The following VSTM4 variants were observed in gnomAD, a reference collection of about 807,000 sequenced individuals.
VSTM4 encodes V-set and transmembrane domain containing 4.
VSTM4 carries 20 observed loss-of-function variants against 36.4 expected under a neutral mutation model. That is an observed-to-expected ratio of 0.55 (90% confidence interval 0.39 to 0.80). VSTM4 has a LOEUF of 0.80. Ranked by LOEUF, VSTM4 falls within the 30% of genes least tolerant of loss-of-function variation. The probability of loss-of-function intolerance (pLI) is 0.00; values close to 1 mark genes in which losing one functional copy is unlikely to be tolerated. For missense variants in VSTM4, 392 were observed against 404.5 expected (o/e 0.97, Z 0.26); for synonymous variants, 182 against 173.9 (o/e 1.05, Z -0.37).
intron 7 of VSTM4, among the ~76,000 whole-genome samples, chr10:49,027,135 C>A (rs892076361): frequency 6.6e-6 from 1 of 152,194 alleles, no homozygotes; most frequent in African/African-American, 2.4e-5. Flanking sequence ...TTTCCTCTGA[C>A]CCTGCACAGC....
chr10:49,073,957 A>G (rs1313062044), intron 4 of VSTM4, among the ~76,000 whole-genome samples: 1 of 152,210 alleles, frequency 6.6e-6, no homozygotes, highest in African/African-American at 2.4e-5. Context: ...GTTTTCTTTC[A>G]TTAAAAACCC....
At chr10:49,103,528 T>A in intron 2 of VSTM4, 2 of 1,300,086 alleles carry the variant, frequency 1.5e-6, no homozygotes, top group East Asian at 3.0e-5. Flanking sequence ...ACTTTTGCAA[T>A]AGAAAACAAC....
At chr10:49,030,511 A>G (rs189816442) in intron 7 of VSTM4, among the ~76,000 whole-genome samples, 117 of 152,308 alleles carry the variant, frequency 7.7e-4, no homozygotes, top group African/African-American at 2.6e-3. Flanking sequence ...AGGGACTGAG[A>G]GCCAGTCACC....
At chr10:49,056,919 C>T (rs1347598340) in intron 5 of VSTM4, among the ~76,000 whole-genome samples, 1 of 152,188 alleles carries the variant, frequency 6.6e-6, no homozygotes, top group Non-Finnish European at 1.5e-5. Flanking sequence ...GTGCTGGCAT[C>T]TGCTTCTGGG....
At chr10:49,059,131 G>C (rs565159501) in intron 5 of VSTM4, among the ~76,000 whole-genome samples, 5 of 152,218 alleles carry the variant, frequency 3.3e-5, no homozygotes, top group Non-Finnish European at 5.9e-5. Flanking sequence ...AGTCAAACAG[G>C]CTTGAGGTTC....
intron 5 of VSTM4, among the ~76,000 whole-genome samples, chr10:49,058,891 G>A (rs1843827346): frequency 6.6e-6 from 1 of 152,176 alleles, no homozygotes; most frequent in Non-Finnish European, 1.5e-5. Context: ...AGAAGCCAGA[G>A]AAGGGCATTC....
intron 2 of VSTM4, among the ~76,000 whole-genome samples, chr10:49,101,378 C>T (rs558143635): frequency 3.9e-5 from 6 of 152,144 alleles, no homozygotes; most frequent in African/African-American, 7.2e-5. Context: ...TACACACACA[C>T]GTACACATAT....
chr10:49,089,082 C>T (rs1348486253), intron 2 of VSTM4, among the ~76,000 whole-genome samples: 1 of 152,204 alleles, frequency 6.6e-6, no homozygotes, highest in East Asian at 1.9e-4. Context: ...GACTCAATTG[C>T]CACTTGCTAG....
intron 5 of VSTM4, among the ~76,000 whole-genome samples, chr10:49,054,990 A>T (rs1279537194): frequency 6.6e-6 from 1 of 152,174 alleles, no homozygotes; most frequent in East Asian, 1.9e-4. Context: ...CACTTCTTTG[A>T]GGTCTGTTCA....
chr10:49,083,759 C>T (rs1227715059), intron 3 of VSTM4, among the ~76,000 whole-genome samples: 1 of 152,206 alleles, frequency 6.6e-6, no homozygotes, highest in Non-Finnish European at 1.5e-5. Context: ...GCTGATTATG[C>T]TGTGGGGTAT....
intron 2 of VSTM4, among the ~76,000 whole-genome samples, chr10:49,106,620 C>T (rs1349723909): frequency 6.6e-6 from 1 of 152,214 alleles, no homozygotes; most frequent in African/African-American, 2.4e-5. Flanking sequence ...CACTGGGCAA[C>T]CAGCCTGCCC....
rs1389485422 is a variant in VSTM4, at chr10:49,098,480, A to G, written c.457+9114T>C. Reference sequence around the variant, plus strand: ...TTCCTACTGCCAAAGTTAGTCCTCCATCATTTCAAGCTCGTGCAACTACAA... The same window carrying G: ...TTCCTACTGCCAAAGTTAGTCCTCCGTCATTTCAAGCTCGTGCAACTACAA... On this transcript the variant is annotated intron_variant, in intron 2 of 7. Transcript: ENST00000332853. 2.6e-5 allele frequency among the ~76,000 whole-genome samples: 4 copies of G among 152,302 alleles called. No homozygotes were observed. In the Middle Eastern group the frequency reaches 0.01, roughly 389 times the overall value.
At chr10:49,032,872 C>CAGAGAGAG (rs137995320) in intron 7 of VSTM4, among the ~76,000 whole-genome samples, 1 of 145,066 alleles carries the variant, frequency 6.9e-6, no homozygotes, top group African/African-American at 2.5e-5. Context: ...GAGAGAAAGA[C>CAGAGAGAG]AGAGAGAGAG....
At chr10:49,046,688 G>T (rs1438839679) in intron 7 of VSTM4, among the ~76,000 whole-genome samples, 1 of 152,146 alleles carries the variant, frequency 6.6e-6, no homozygotes, top group Non-Finnish European at 1.5e-5. Context: ...ATCAGGTAAA[G>T]GTATGCAAGC....
chr10:49,042,422 AG>A (rs1184051729), intron 7 of VSTM4, among the ~76,000 whole-genome samples: 1 of 152,280 alleles, frequency 6.6e-6, no homozygotes, highest in East Asian at 1.9e-4. Flanking sequence ...TTTAAAAAAC[AG>A]GTGAAGCACA....
chr10:49,033,970 A>T (rs12783657), intron 7 of VSTM4, among the ~76,000 whole-genome samples: 25,841 of 152,004 alleles, frequency 0.17, 2,391 homozygotes, highest in South Asian at 0.36. Context: ...TATCACCACC[A>T]TAATCACCAT....
At chr10:49,026,715 G>C (rs1432001709) in intron 7 of VSTM4, among the ~76,000 whole-genome samples, 1 of 152,122 alleles carries the variant, frequency 6.6e-6, no homozygotes, top group Non-Finnish European at 1.5e-5. Context: ...TGTTGACAGG[G>C]GCAGGGCTGG....
At position 49,115,442 on chromosome 10, in the gene VSTM4, G is replaced by T; in HGVS notation, c.44C>A (p.Ala15Asp). ...ALAAAALLARAPAPEVCAALN... is the reference protein window; with the variant it reads ...ALAAAALLARDPAPEVCAALN... Reference sequence around the variant, plus strand: ...CCCGCCGCGCTTACCCGGAGCCGGAGCCCGCGCCAGCAGCGCGGCCGCCGC... The same window carrying T: ...CCCGCCGCGCTTACCCGGAGCCGGATCCCGCGCCAGCAGCGCGGCCGCCGC... The change falls in exon 1 of 8, where the codon GCT becomes GAT. Residue 15 changes from alanine to aspartate, a missense_variant. Physicochemically the swap from Ala to Asp is moderately radical, Grantham distance 126 (BLOSUM62 -2). Transcript: ENST00000332853. The T allele has an allele frequency of 2.9e-6, 3 of 1,045,184 alleles. No homozygotes were observed. The highest frequency in any genetic ancestry group is 3.5e-6 in the Non-Finnish European group (3 of 863,488). The allele number at this position is 1,045,184 out of a possible 1,614,324, so 64.7% of individuals were successfully genotyped here.
intron 6 of VSTM4, among the ~76,000 whole-genome samples, chr10:49,048,002 A>T (rs1050423539): frequency 6.6e-6 from 1 of 152,200 alleles, no homozygotes; most frequent in African/African-American, 2.4e-5. Flanking sequence ...GCTCTAAATC[A>T]TAACTGGAAT....
Sources: gnomAD v4.1 joint callset for allele counts (sites outside exome capture counted in the v4.1 genomes callset) on GRCh38, gnomAD v4.1.1 for gene constraint, MANE v1.5 for transcripts, NCBI Gene and HGNC (gene_info 2026-07-23, HGNC 2026-07-21) for gene names.